The following PDZD8 variants were observed in gnomAD, a reference collection of about 807,000 sequenced individuals.
The protein encoded by PDZD8 is PDZ domain-containing protein 8.
In PDZD8, 14 loss-of-function variants were observed where a neutral mutation model predicts 85.8. The ratio of observed to expected loss-of-function variants is 0.16; its 90% CI spans 0.11 to 0.26. The LOEUF (loss-of-function observed/expected upper bound fraction) is 0.26. Among genes scored for constraint, PDZD8 ranks in the 10% least tolerant of loss-of-function variants. The pLI is 1.00. For synonymous variants in PDZD8, 592 were observed against 568.6 expected (o/e 1.04, Z -0.59); for missense variants, 1,197 against 1,424.3 (o/e 0.84, Z 2.57).
intron 1 of PDZD8, among the ~76,000 whole-genome samples, chr10:117,349,272 G>A (rs926965905): frequency 6.6e-6 from 1 of 152,142 alleles, no homozygotes; most frequent in Non-Finnish European, 1.5e-5. Context: ...ATAAATAGGA[G>A]AGGCAGAAGG....
At chr10:117,328,450 C>T (rs1024719754) in intron 2 of PDZD8, among the ~76,000 whole-genome samples, 7 of 151,880 alleles carry the variant, frequency 4.6e-5, no homozygotes, top group South Asian at 2.1e-4. Flanking sequence ...CTTGCTCTGT[C>T]GCCCAGGCTA....
At position 117,301,672 on chromosome 10, in the gene PDZD8, C is replaced by T. The variant is rs577695551; in HGVS notation, c.1099-11324G>A. The stretch of plus-strand genomic sequence containing the variant: ...AGTGAGGGACTACCAGCTTACTGTC[C>T]ATCCCAATTAGAGGCAGCAAGAAGG... On this transcript the variant is annotated intron_variant, in intron 3 of 4. Transcript: ENST00000334464. Among the ~76,000 whole-genome samples, 537 of 152,246 alleles carry T rather than the reference C, an allele frequency of 3.5e-3. 3 individuals are homozygous for T. The highest frequency in any genetic ancestry group is 5.5e-3 in the Non-Finnish European group (375 of 68,016).
chr10:117,325,107 C>T (rs1326945032), intron 2 of PDZD8, among the ~76,000 whole-genome samples: 2 of 152,014 alleles, frequency 1.3e-5, no homozygotes, highest in East Asian at 1.9e-4. Context: ...CTTTGTGGCG[C>T]CATTAACACC....
At chr10:117,337,715 T>C (rs994589476) in intron 2 of PDZD8, among the ~76,000 whole-genome samples, 10 of 152,198 alleles carry the variant, frequency 6.6e-5, no homozygotes, top group African/African-American at 2.4e-4. Flanking sequence ...CTACTGTAGG[T>C]ATCCTATGTG....
intron 1 of PDZD8, among the ~76,000 whole-genome samples, chr10:117,351,286 A>G (rs1315957276): frequency 6.6e-6 from 1 of 152,206 alleles, no homozygotes; most frequent in Non-Finnish European, 1.5e-5. Context: ...GTACATTCAC[A>G]CAGTGGAATA....
chr10:117,362,602 T>C (rs1295279433), intron 1 of PDZD8, among the ~76,000 whole-genome samples: 1 of 152,110 alleles, frequency 6.6e-6, no homozygotes, highest in African/African-American at 2.4e-5. Context: ...TTGAGTGGCA[T>C]GATTCTCAGA....
rs1845287544 is a variant in PDZD8 at position 117,375,358 on chromosome 10, G to T, written c.-131C>A. 2 of 674,406 alleles carry T rather than the reference G, an allele frequency of 3.0e-6. No homozygotes were observed. The highest frequency in any genetic ancestry group is 8.5e-5 in the Admixed American group (2 of 23,418). 41.8% of individuals were successfully genotyped at this position (674,406 alleles called of 1,614,324 possible). A position where few individuals can be genotyped will look rare whatever the true frequency, so the allele number is the denominator to read the frequency against. ...CGGGGCGAGCGGCTCCGTGGGCCTC[G>T]TCCAGGGGCTCGGGCCGGCGCGCTG... On this transcript the variant is annotated 5_prime_UTR_variant, in exon 1 of 5. Transcript: ENST00000334464.
At chr10:117,303,185 C>T (rs2532817) in intron 3 of PDZD8, among the ~76,000 whole-genome samples, 116,947 of 152,092 alleles carry the variant, frequency 0.77, 45,619 homozygotes, top group Non-Finnish European at 0.85. Context: ...ACACTGACAG[C>T]GACATGGACA....
intron 1 of PDZD8, among the ~76,000 whole-genome samples, chr10:117,360,766 G>A (rs1370509231): frequency 6.6e-6 from 1 of 151,140 alleles, no homozygotes; most frequent in South Asian, 2.1e-4. Flanking sequence ...TGAAAATAAC[G>A]TATATATTTA....
chr10:117,301,049 C>T (rs1026176802), intron 3 of PDZD8, among the ~76,000 whole-genome samples: 1 of 152,110 alleles, frequency 6.6e-6, no homozygotes, highest in Non-Finnish European at 1.5e-5. Flanking sequence ...AGTGCAGTGG[C>T]ATGATCTTGG....
At chr10:117,333,288 T>C (rs1413377828) in intron 2 of PDZD8, among the ~76,000 whole-genome samples, 1 of 152,134 alleles carries the variant, frequency 6.6e-6, no homozygotes, top group African/African-American at 2.4e-5. Flanking sequence ...ACTAATCTTG[T>C]AACGATGCTC....
At chr10:117,329,044 A>G (rs1240742023) in intron 2 of PDZD8, among the ~76,000 whole-genome samples, 1 of 152,240 alleles carries the variant, frequency 6.6e-6, no homozygotes, top group East Asian at 1.9e-4. Flanking sequence ...ATTTAAACAA[A>G]AGGATAACTT....
Position 117,375,253 on chromosome 10 carries a change from C to T in PDZD8, c.-26G>A, listed in dbSNP as rs982329017. On this transcript the variant is annotated 5_prime_UTR_variant, in exon 1 of 5. Transcript: ENST00000334464. ...CCCGCCACCGCCTCCGCCCGGGCCC[C>T]TACTCCCGCGCCCACAGCGCCGCTT... is the stretch of plus-strand genomic sequence containing the variant. The T allele has an allele frequency of 3.1e-5, 45 of 1,439,184 alleles. 2 individuals carry two copies. In the Admixed American group the frequency reaches 9.6e-4, roughly 31 times the overall value. The allele number at this position is 1,439,184 out of a possible 1,614,324, so 89.2% of individuals were successfully genotyped here.
In PDZD8 at chr10:117,283,379, C is replaced by T. The variant is rs758328077; in HGVS notation, c.3354G>A (p.Lys1118=). 6.2e-7 allele frequency: 1 copy of T among 1,614,038 alleles called. No individual in the cohort carries two copies. The highest frequency in any genetic ancestry group is 1.7e-5 in the Admixed American group (1 of 60,022). ...SLDQHSKKIS[K]YTDDTEEDLD... ...GGTCTTCTTCTGTATCATCTGTGTA[C>T]TTGCTTATTTTTTTGGAGTGCTGGT... The change falls in exon 5 of 5, where the codon AAG becomes AAA. Residue 1118 remains lysine, a synonymous_variant. Transcript: ENST00000334464.
intron 1 of PDZD8, among the ~76,000 whole-genome samples, chr10:117,343,959 TATCA>T (rs1230429108): frequency 6.6e-5 from 10 of 152,340 alleles, no homozygotes; most frequent in Admixed American, 6.5e-4. Context: ...GGGCTACCTC[TATCA>T]CTTTCTTTTA....
intron 2 of PDZD8, among the ~76,000 whole-genome samples, chr10:117,333,170 C>G (rs1256071029): frequency 2.2e-5 from 2 of 90,098 alleles, no homozygotes; most frequent in Admixed American, 2.2e-4. Context: ...AATAAGATAA[C>G]AGAAAGACCG....
At chr10:117,323,333 A>T (rs1022857606) in intron 2 of PDZD8, among the ~76,000 whole-genome samples, 1 of 152,220 alleles carries the variant, frequency 6.6e-6, no homozygotes, top group African/African-American at 2.4e-5. Flanking sequence ...TCATATACCA[A>T]GGAAAATAAG....
chr10:117,292,687 CTTAA>C (rs1844789877), intron 3 of PDZD8, among the ~76,000 whole-genome samples: 1 of 149,946 alleles, frequency 6.7e-6, no homozygotes, highest in Non-Finnish European at 1.5e-5. Context: ...AATTTAGTTT[CTTAA>C]TTTATTTTCT....
At chr10:117,361,927 T>C (rs771667400) in intron 1 of PDZD8, among the ~76,000 whole-genome samples, 6 of 152,136 alleles carry the variant, frequency 3.9e-5, no homozygotes, top group Non-Finnish European at 5.9e-5. Context: ...TATGCTTAGG[T>C]TATATGCAAA....
Sources: gnomAD v4.1 joint callset for allele counts (sites outside exome capture counted in the v4.1 genomes callset) on GRCh38, gnomAD v4.1.1 for gene constraint, MANE v1.5 for transcripts, NCBI Gene and HGNC (gene_info 2026-07-23, HGNC 2026-07-21) for gene names.